The following MLLT11 variants were observed in gnomAD, a reference collection of about 807,000 sequenced individuals.
MLLT11 encodes protein AF1q.
Under a neutral mutation model 5.3 loss-of-function variants are expected in MLLT11, and 1 was observed. That is an observed-to-expected ratio of 0.19 (90% CI 0.07 to 0.89). The LOEUF (loss-of-function observed/expected upper bound fraction) is 0.89. Ranked by LOEUF, MLLT11 falls within the 40% of genes least tolerant of loss-of-function variation. The pLI, the probability that MLLT11 is intolerant of heterozygous loss-of-function variation, is 0.67. For missense variants in MLLT11, 87 were observed against 107.3 expected (o/e 0.81, Z 0.83); for synonymous variants, 38 against 41.7 (o/e 0.91, Z 0.34).
intron 1 of MLLT11, among the ~76,000 whole-genome samples, chr1:151,066,180 A>C (rs1676474328): frequency 6.6e-6 from 1 of 151,638 alleles, no homozygotes; most frequent in Non-Finnish European, 1.5e-5. Context: ...TTTAAGACAG[A>C]ATCTTGCTCT....
intron 1 of MLLT11, among the ~76,000 whole-genome samples, chr1:151,060,775 CTCATT>C (rs1242372586): frequency 4.6e-5 from 7 of 152,204 alleles, no homozygotes; most frequent in African/African-American, 1.7e-4. Flanking sequence ...CAGCACCTAC[CTCATT>C]TCAAGTATCC....
At position 151,069,357 on chromosome 1, in the gene MLLT11, C is replaced by T. The variant is rs754178302; in HGVS notation, c.*1860C>T. On this transcript the variant is annotated 3_prime_UTR_variant, in exon 2 of 2. Transcript: ENST00000368921. Reference sequence around the variant, plus strand: ...GGAGAAAAAAAGACAAATCCTCCCTCTAGGCCATGAAAAGCCCACATCTAA... The same window carrying T: ...GGAGAAAAAAAGACAAATCCTCCCTTTAGGCCATGAAAAGCCCACATCTAA... Among the ~76,000 whole-genome samples, 18 of 152,174 alleles carry T rather than the reference C, an allele frequency of 1.2e-4. No individual in the cohort carries two copies. The highest frequency in any genetic ancestry group is 7.3e-5 in the Non-Finnish European group (5 of 68,042).
chr1:151,067,809 CA>C lies in MLLT11; in HGVS notation c.*316del, dbSNP rs1333135876. On this transcript the variant is annotated 3_prime_UTR_variant, in exon 2 of 2. Coordinates refer to ENST00000368921, the MANE Select transcript of MLLT11 (RefSeq NM_006818.4). ...GACACCTGAGAGTAGTATAGTAGTG[CA>C]AAATGGAAGACTGATTTTTGACTCT... 4 of 354,868 alleles carry C rather than the reference CA, an allele frequency of 1.1e-5. No individual in the cohort carries two copies. Among genetic ancestry groups the C allele is most frequent in the Non-Finnish European group, 2.2e-5 (4 of 185,054 alleles). The allele number at this position is 354,868 out of a possible 1,614,324, so 22.0% of individuals were successfully genotyped here.
chr1:151,061,248 C>T (rs908206264), intron 1 of MLLT11, among the ~76,000 whole-genome samples: 2 of 152,140 alleles, frequency 1.3e-5, no homozygotes, highest in African/African-American at 4.8e-5. Flanking sequence ...CTGAGGCACA[C>T]ATTATGAGAT....
Position 151,067,903 on chromosome 1 carries a change from A to T in MLLT11, c.*406A>T, listed in dbSNP as rs915588368. 5.5e-5 allele frequency: 14 copies of T among 254,976 alleles called. No homozygotes were observed. The highest frequency in any genetic ancestry group is 1.1e-4 in the Non-Finnish European group (14 of 122,868). 15.8% of individuals were successfully genotyped at this position (254,976 alleles called of 1,614,324 possible). A position where few individuals can be genotyped will look rare whatever the true frequency, so the allele number is the denominator to read the frequency against. Reference sequence around the variant, plus strand: ...CTGCTCCAGGGCAGTAAACACAAATATTTCTTCAAGGGGTGATGAAAACCT... The same window carrying T: ...CTGCTCCAGGGCAGTAAACACAAATTTTTCTTCAAGGGGTGATGAAAACCT... On this transcript the variant is annotated 3_prime_UTR_variant, in exon 2 of 2. Transcript: ENST00000368921.
At chr1:151,067,095 T>TAATAGA (rs1210858126) in intron 1 of MLLT11, 124 bp from the exon 2 acceptor site, 13 of 842,738 alleles carry the variant, frequency 1.5e-5, no homozygotes, top group Non-Finnish European at 2.3e-5. Flanking sequence ...TTTCTTTCTT[T>TAATAGA]AATAGAAAAA....
chr1:151,067,081 C>G (rs1571857907), intron 1 of MLLT11, 138 bp from the exon 2 acceptor site: 7 of 696,892 alleles, frequency 1.0e-5, no homozygotes, highest in Admixed American at 3.3e-5. Flanking sequence ...GGAGGATATA[C>G]AATTTTCTTT....
intron 1 of MLLT11, among the ~76,000 whole-genome samples, chr1:151,064,508 A>G (rs1676449280): frequency 6.6e-6 from 1 of 152,222 alleles, no homozygotes; most frequent in Non-Finnish European, 1.5e-5. Context: ...CAGAGAAAGT[A>G]GATTGGTCTT....
At chr1:151,064,005 GTTAT>G (rs3062378) in intron 1 of MLLT11, among the ~76,000 whole-genome samples, 49 of 150,452 alleles carry the variant, frequency 3.3e-4, no homozygotes, top group Admixed American at 8.6e-4. Context: ...GCATAGGAAA[GTTAT>G]TTATTTATTT....
At chr1:151,061,285 C>T (rs778842920) in intron 1 of MLLT11, among the ~76,000 whole-genome samples, 4 of 152,190 alleles carry the variant, frequency 2.6e-5, no homozygotes, top group African/African-American at 9.6e-5. Context: ...TCCCCTCTAC[C>T]ACCACCACCA....
chr1:151,064,687 TC>T (rs1294089056), intron 1 of MLLT11, among the ~76,000 whole-genome samples: 2 of 152,112 alleles, frequency 1.3e-5, no homozygotes, highest in Non-Finnish European at 2.9e-5. Context: ...CACCTTGTCC[TC>T]CCCCTTTCCC....
At chr1:151,065,933 C>T (rs1374112988) in intron 1 of MLLT11, among the ~76,000 whole-genome samples, 1 of 152,160 alleles carries the variant, frequency 6.6e-6, no homozygotes, top group Non-Finnish European at 1.5e-5. Context: ...CCTCTGCTTC[C>T]TAGGCTCAAG....
intron 1 of MLLT11, among the ~76,000 whole-genome samples, chr1:151,064,383 G>A (rs1343499967): frequency 6.6e-6 from 1 of 152,158 alleles, no homozygotes; most frequent in Non-Finnish European, 1.5e-5. Flanking sequence ...GAAATGGATT[G>A]TTAAGGCTTA....
At position 151,067,743 on chromosome 1, in the gene MLLT11, T is replaced by TC. The variant is rs11419202; in HGVS notation, c.*253dup. 6.8e-3 allele frequency: 3,666 copies of TC among 537,458 alleles called. 98 individuals are homozygous for TC. Among genetic ancestry groups the TC allele is most frequent in the African/African-American group, 0.064 (3,366 of 52,690 alleles). The allele number at this position is 537,458 out of a possible 1,614,324, so 33.3% of individuals were successfully genotyped here. A position where few individuals can be genotyped will look rare whatever the true frequency, so the allele number is the denominator to read the frequency against. On this transcript the variant is annotated 3_prime_UTR_variant, in exon 2 of 2. Transcript: ENST00000368921. ...TACTGGGTCACAGGGATTCCTCCTT[T>TC]CCCCCCCAAATATTAACTCCAGAAA...
chr1:151,061,413 C>T (rs981391271), intron 1 of MLLT11, among the ~76,000 whole-genome samples: 22 of 152,076 alleles, frequency 1.4e-4, no homozygotes, highest in African/African-American at 7.2e-5. Flanking sequence ...TGTGTGGCTC[C>T]GAGAGTGTAT....
Position 151,069,457 on chromosome 1 carries a change from T to G in MLLT11, c.*1960T>G, listed in dbSNP as rs1676538333. On this transcript the variant is annotated 3_prime_UTR_variant, in exon 2 of 2. Coordinates refer to ENST00000368921, the MANE Select transcript of MLLT11 (RefSeq NM_006818.4). ...GTCCTTTTCTATTTTTACTGAGTTT[T>G]GAAGGGCCCCTTCAGAGTCCTTCAG... Among the ~76,000 whole-genome samples, 1 of 152,234 alleles carries G rather than the reference T, an allele frequency of 6.6e-6. No homozygotes were observed. The highest frequency in any genetic ancestry group is 1.5e-5 in the Non-Finnish European group (1 of 68,044).
At position 151,067,371 on chromosome 1, in the gene MLLT11, C is replaced by T. The variant is rs760925045; in HGVS notation, c.147C>T (p.Ile49=). Residue 49 remains isoleucine, a synonymous_variant, in exon 2 of 2, where the codon ATC becomes ATT. Coordinates refer to ENST00000368921, the MANE Select transcript of MLLT11 (RefSeq NM_006818.4). ...AAGACAGCAGCGTTGGCAAAATGAT[C>T]GGGCAAGCAACTGCAGCAGACCAGG... ...KVKDSSVGKM[I]GQATAADQEK... 1.3e-5 allele frequency: 21 copies of T among 1,613,996 alleles called. No individual in the cohort carries two copies. The highest frequency in any genetic ancestry group is 1.6e-4 in the Middle Eastern group (1 of 6,084).
intron 1 of MLLT11, among the ~76,000 whole-genome samples, chr1:151,066,706 C>T (rs762988653): frequency 2.0e-5 from 3 of 151,878 alleles, no homozygotes; most frequent in African/African-American, 7.3e-5. Context: ...AGGCAGATCA[C>T]GAGGTCAGGA....
Position 151,069,236 on chromosome 1 carries a change from A to C in MLLT11, c.*1739A>C, listed in dbSNP as rs77890252. 7.7e-3 allele frequency among the ~76,000 whole-genome samples: 1,176 copies of C among 152,308 alleles called. 16 individuals are homozygous for C. Among genetic ancestry groups the C allele is most frequent in the African/African-American group, 0.027 (1,125 of 41,558 alleles). On this transcript the variant is annotated 3_prime_UTR_variant, in exon 2 of 2. Transcript: ENST00000368921. ...CTCCAACTCTCAAAAGAGAAACTGT[A>C]AATACCAATATGGATAGGACAGAAT...
Sources: allele counts gnomAD v4.1 joint callset (sites outside exome capture counted in the v4.1 genomes callset), GRCh38; gene constraint gnomAD v4.1.1; transcripts MANE v1.5; gene names NCBI Gene and HGNC (gene_info 2026-07-23, HGNC 2026-07-21).